Variants in EMID1 observed in about 807,000 individuals in gnomAD.
EMID1 encodes EMI domain containing 1, also known as EMI domain-containing protein 1.
Under a neutral mutation model 60.6 loss-of-function variants are expected in EMID1, and 40 were observed. The ratio of observed to expected loss-of-function variants is 0.66; its 90% CI spans 0.51 to 0.86. EMID1 has a LOEUF of 0.86. Among genes scored for constraint, EMID1 ranks in the 40% least tolerant of loss-of-function variants. EMID1 has a pLI of 0.00. For missense variants in EMID1, 585 were observed against 597.1 expected, an observed-to-expected ratio of 0.98 and a Z score of 0.21; for synonymous variants, 242 against 231.0, an observed-to-expected ratio of 1.05 and a Z score of -0.43.
chr22:29,227,282 G>T (rs1392568565), intron 5 of EMID1, among the ~76,000 whole-genome samples: 2 of 152,024 alleles, frequency 1.3e-5, no homozygotes, highest in Admixed American at 1.3e-4. Context: ...GTAGAGATGG[G>T]GTTTCTCCAT....
intron 3 of EMID1, among the ~76,000 whole-genome samples, chr22:29,220,003 CACCCCCACTCCTGGAAGTCCCAGCA>C (rs2040233095): frequency 6.6e-6 from 1 of 152,104 alleles, no homozygotes; most frequent in Non-Finnish European, 1.5e-5. Flanking sequence ...ACCGCCCAGC[CACCCCCACTCCTGGAAGTCCCAGCA>C]ACCCCCACCT....
chr22:29,206,035 C>A lies in EMID1; in HGVS notation c.-4C>A. On this transcript the variant is annotated 5_prime_UTR_variant, in exon 1 of 15. Transcript: ENST00000334018. ...GGCCGCGCGCGGAGGGCGCCTGGTGCAGCATGGGCGGCCCGCGGGCTTGGG... is the reference window on the plus strand; with the variant it reads ...GGCCGCGCGCGGAGGGCGCCTGGTGAAGCATGGGCGGCCCGCGGGCTTGGG... 4 of 1,223,814 alleles carry A rather than the reference C, an allele frequency of 3.3e-6. No homozygotes were observed. The highest frequency in any genetic ancestry group is 4.1e-6 in the Non-Finnish European group (4 of 982,830). The allele number at this position is 1,223,814 out of a possible 1,614,324, so 75.8% of individuals were successfully genotyped here. A position where few individuals can be genotyped will look rare whatever the true frequency, so the allele number is the denominator to read the frequency against.
At chr22:29,221,212 C>T (rs527488804) in intron 3 of EMID1, among the ~76,000 whole-genome samples, 2 of 150,080 alleles carry the variant, frequency 1.3e-5, no homozygotes, top group South Asian at 4.3e-4. Context: ...CTGGGACCAG[C>T]CTTCAGGGCC....
Position 29,238,719 on chromosome 22 carries a change from A to AT in EMID1, c.1074+4390dup, listed in dbSNP as rs71196644. ...CAGGCGTGAGCCACCGTGCCCGGCC[A>AT]TTTTTTTTTTTTTTTTTTTTAATTT... On this transcript the variant is annotated intron_variant, in intron 12 of 14. Coordinates refer to ENST00000334018, the MANE Select transcript of EMID1 (RefSeq NM_133455.4). Among the ~76,000 whole-genome samples the AT allele has an allele frequency of 1.9e-3, 226 of 117,562 alleles. 11 individuals carry two copies. The highest frequency in any genetic ancestry group is 4.9e-3 in the Admixed American group (60 of 12,186). 77.1% of individuals were successfully genotyped at this position (117,562 alleles called of 152,430 possible).
At chr22:29,222,617 C>T (rs1157526594) in intron 3 of EMID1, among the ~76,000 whole-genome samples, 1 of 149,566 alleles carries the variant, frequency 6.7e-6, no homozygotes, top group Admixed American at 6.7e-5. Flanking sequence ...TTGGCCAGGC[C>T]GGTCTCGGAC....
chr22:29,215,779 A>C (rs1406383985), intron 3 of EMID1, 149 bp downstream of exon 3: 2 of 671,512 alleles, frequency 3.0e-6, no homozygotes, highest in African/African-American at 3.6e-5. Context: ...AGACACAGTC[A>C]GTGCTTGTTG....
chr22:29,208,512 C>A (rs763003131), intron 1 of EMID1, among the ~76,000 whole-genome samples: 9 of 152,186 alleles, frequency 5.9e-5, no homozygotes, highest in Non-Finnish European at 1.3e-4. Flanking sequence ...CAAGCCTTCA[C>A]CAGCCCAGAT....
intron 13 of EMID1, among the ~76,000 whole-genome samples, chr22:29,246,515 A>G (rs2041337577): frequency 1.3e-5 from 2 of 152,176 alleles, no homozygotes; most frequent in South Asian, 4.1e-4. Context: ...CGATGGAGCA[A>G]AAAGACACTT....
In EMID1 at chr22:29,222,043, A is replaced by G. The variant is rs16987280; in HGVS notation, c.320-3090A>G. 3.8e-3 allele frequency among the ~76,000 whole-genome samples: 574 copies of G among 152,276 alleles called. 8 individuals are homozygous for G. Among genetic ancestry groups the G allele is most frequent in the East Asian group, 0.015 (79 of 5,190 alleles). ...ACAAACTGGTTGAAAAAGAATTTCC[A>G]ACCACAAGTTTACAGATTAATAACT... is the stretch of plus-strand genomic sequence containing the variant. On this transcript the variant is annotated intron_variant, in intron 3 of 14. Coordinates refer to ENST00000334018, the MANE Select transcript of EMID1 (RefSeq NM_133455.4).
chr22:29,232,338 G>T lies in EMID1; in HGVS notation c.759G>T (p.Gly253=). 1 of 1,608,062 alleles carries T rather than the reference G, an allele frequency of 6.2e-7. No individual in the cohort carries two copies. Among genetic ancestry groups the T allele is most frequent in the Non-Finnish European group, 8.5e-7 (1 of 1,177,976 alleles). The change falls in exon 8 of 15, where the codon GGG becomes GGT. Residue 253 remains glycine (G), a synonymous_variant. Coordinates refer to ENST00000334018, the MANE Select transcript of EMID1 (RefSeq NM_133455.4). ...PGERGPPGPP[G]PPGPPGPPAP... is the part of the protein sequence containing the mutation. ...AGAGGGGACCTCCTGGGCCACCAGG[G>T]CCTCCTGGCCCCCCTGGGCCCCCAG...
intron 7 of EMID1, 82 bp downstream of exon 7, chr22:29,231,764 A>G: frequency 1.5e-6 from 2 of 1,332,016 alleles, no homozygotes; most frequent in Non-Finnish European, 2.0e-6. Flanking sequence ...TGACATGGCC[A>G]GGATGACCTG....
At chr22:29,222,406 CTTTT>C (rs67787562) in intron 3 of EMID1, among the ~76,000 whole-genome samples, 1 of 88,684 alleles carries the variant, frequency 1.1e-5, no homozygotes, top group Non-Finnish European at 2.3e-5. Flanking sequence ...TTTATGCTGA[CTTTT>C]TTTTTTTTTT....
At chr22:29,236,146 C>T (rs2146327789) in intron 12 of EMID1, among the ~76,000 whole-genome samples, 1 of 152,272 alleles carries the variant, frequency 6.6e-6, no homozygotes, top group East Asian at 1.9e-4. Context: ...GTAATTCCAG[C>T]ACTTCAGGAG....
Position 29,231,093 on chromosome 22 carries a change from G to A in EMID1, c.539G>A (p.Trp180Ter). Residue 180 changes from tryptophan (W) to a stop codon, truncating the protein, a stop_gained, in exon 6 of 15, where the codon TGG (tryptophan) becomes TAG (stop). Transcript: ENST00000334018. LOFTEE classifies it high-confidence loss of function. ...ACCCCTGAGGACCCTGCCCCGCTCT[G>A]GGGTCCCCCTCCTGCCCAGGGCAGC... ...PATPEDPAPL[W>*]GPPPAQGSPG... 6.2e-7 allele frequency: 1 copy of A among 1,613,584 alleles called. No individual in the cohort carries two copies. Among genetic ancestry groups the A allele is most frequent in the South Asian group, 1.1e-5 (1 of 91,002 alleles).
At chr22:29,245,273 C>T in intron 13 of EMID1, among the ~76,000 whole-genome samples, 1 of 152,190 alleles carries the variant, frequency 6.6e-6, no homozygotes, top group East Asian at 1.9e-4. Context: ...GGCTCTCTGC[C>T]TCCCCTAGGC....
intron 1 of EMID1, among the ~76,000 whole-genome samples, chr22:29,212,090 A>G (rs561578234): frequency 9.1e-4 from 139 of 152,180 alleles, no homozygotes; most frequent in African/African-American, 2.6e-3. Flanking sequence ...GGTTCAAACA[A>G]TTCTCCTGCT....
At chr22:29,246,146 G>A (rs1382585886) in intron 13 of EMID1, among the ~76,000 whole-genome samples, 1 of 152,222 alleles carries the variant, frequency 6.6e-6, no homozygotes, top group African/African-American at 2.4e-5. Flanking sequence ...CAGAGGCGAG[G>A]GTACAACAGG....
intron 7 of EMID1, 94 bp downstream of exon 7, chr22:29,231,776 G>A: frequency 3.2e-6 from 4 of 1,259,662 alleles, no homozygotes; most frequent in East Asian, 2.7e-5. Flanking sequence ...GATGACCTGG[G>A]CCCTTTCATC....
intron 2 of EMID1, 168 bp from the exon 3 acceptor site, chr22:29,215,359 T>TG: frequency 3.3e-6 from 3 of 898,426 alleles, no homozygotes; most frequent in East Asian, 1.2e-4. Context: ...GGCAAGGTGG[T>TG]GGGGGGATGG....
Sources: allele counts gnomAD v4.1 joint callset (sites outside exome capture counted in the v4.1 genomes callset), GRCh38; gene constraint gnomAD v4.1.1; transcripts MANE v1.5; gene names NCBI Gene and HGNC (gene_info 2026-07-23, HGNC 2026-07-21).